Variants in SLC30A3 observed in about 807,000 individuals in gnomAD.
The protein encoded by SLC30A3 is solute carrier family 30 member 3, also known as probable proton-coupled zinc antiporter SLC30A3.
In SLC30A3, 20 loss-of-function variants were observed where a neutral mutation model predicts 35.6. The observed-to-expected ratio is 0.56, with a 90% CI of 0.39 to 0.82. The LOEUF is 0.82. SLC30A3 is among the 40% of genes least tolerant of loss of function. The pLI, the probability that SLC30A3 is intolerant of heterozygous loss-of-function variation, is 0.00. For synonymous variants in SLC30A3, 217 were observed against 224.7 expected (o/e 0.97, Z 0.31); for missense variants, 401 against 530.6 (o/e 0.76, Z 2.40).
At position 27,254,885 on chromosome 2, in the gene SLC30A3, G is replaced by A; in HGVS notation, c.*427C>T. ...ACAGAGCGAGGGCCATGTGGGGAGG[G>A]GGCCCCTACTGACCTCCCCCAGGCA... is the stretch of plus-strand genomic sequence containing the variant. On this transcript the variant is annotated 3_prime_UTR_variant, in exon 8 of 8. Coordinates refer to ENST00000233535, the MANE Select transcript of SLC30A3 (RefSeq NM_003459.5). 5.4e-6 allele frequency: 2 copies of A among 372,694 alleles called. No homozygotes were observed. The highest frequency in any genetic ancestry group is 9.6e-4 in the Middle Eastern group (1 of 1,038). 23.1% of individuals were successfully genotyped at this position (372,694 alleles called of 1,614,324 possible). A position where few individuals can be genotyped will look rare whatever the true frequency, so the allele number is the denominator to read the frequency against.
upstream of SLC30A3, among the ~76,000 whole-genome samples, chr2:27,264,891 C>T (rs1278624565): frequency 6.6e-6 from 1 of 152,176 alleles, no homozygotes; most frequent in Non-Finnish European, 1.5e-5. This position sits in a 1 kb window ranked among gnomAD's most constrained non-coding sequence, Gnocchi z 6.1. Flanking sequence ...GCTCTGGGTA[C>T]GTCGGGCCCG....
At position 27,262,843 on chromosome 2, in the gene SLC30A3, C is replaced by T. The variant is rs774011364; in HGVS notation, c.64G>A (p.Gly22Ser). 3.4e-5 allele frequency: 54 copies of T among 1,566,768 alleles called. No individual in the cohort carries two copies. Among genetic ancestry groups the T allele is most frequent in the Non-Finnish European group, 3.9e-5 (45 of 1,161,482 alleles). Reference sequence around the variant, plus strand: ...AAACGCAGGCTGCCTCCGGCGCCACCGCGGTCCCGGGGGCTCACCAGGCGA... The same window carrying T: ...AAACGCAGGCTGCCTCCGGCGCCACTGCGGTCCCGGGGGCTCACCAGGCGA... ...TTRLVSPRDR[G>S]GAGGSLRLKS... The change falls in exon 1 of 8, where the codon GGT becomes AGT. Residue 22 changes from glycine to serine, a missense_variant. By Grantham distance (56) the Gly-to-Ser change is moderately conservative. This residue lies in a region of SLC30A3 where 103 missense variants were observed against 120.7 expected (regional missense o/e 0.85). Coordinates refer to ENST00000233535, the MANE Select transcript of SLC30A3 (RefSeq NM_003459.5). This position sits in a 1 kb window ranked among gnomAD's most constrained non-coding sequence, Gnocchi z 7.5.
chr2:27,263,385 G>C (rs1558564306), upstream of SLC30A3: 1 of 456,862 alleles, frequency 2.2e-6, no homozygotes, highest in Non-Finnish European at 4.5e-6. Flanking sequence ...GCCTGCGCGG[G>C]GGTGTCGCCC....
chr2:27,264,754 G>A (rs918105816), upstream of SLC30A3, among the ~76,000 whole-genome samples: 2 of 152,230 alleles, frequency 1.3e-5, no homozygotes, highest in African/African-American at 4.8e-5. The surrounding 1 kb of genome is among the most constrained non-coding windows in gnomAD (Gnocchi z 6.1). Flanking sequence ...ACGGACCTCT[G>A]TTTCTCCTCG....
At chr2:27,263,653 C>T (rs1035888505), upstream of SLC30A3, among the ~76,000 whole-genome samples, 2 of 151,112 alleles carry the variant, frequency 1.3e-5, no homozygotes, top group African/African-American at 4.9e-5. Flanking sequence ...CTCCTTCAAC[C>T]CACTGTTATC....
chr2:27,257,891 A>G lies in SLC30A3; in HGVS notation c.578+14T>C, dbSNP rs1180636236. The G allele has an allele frequency of 1.1e-5, 18 of 1,611,404 alleles. No homozygotes were observed. Among genetic ancestry groups the G allele is most frequent in the Non-Finnish European group, 1.5e-5 (18 of 1,178,866 alleles). On this transcript the variant is annotated intron_variant, in intron 4 of 7. Coordinates refer to ENST00000233535, the MANE Select transcript of SLC30A3 (RefSeq NM_003459.5). The surrounding 1 kb of genome is among the most constrained non-coding windows in gnomAD (Gnocchi z 4.7). The stretch of plus-strand genomic sequence containing the variant: ...CTGGGCCCCACAAGGTGCCTGCTCC[A>G]TACTGGGACGTACAACAGGTTGGCA...
chr2:27,257,311 TG>T lies in SLC30A3; in HGVS notation c.619del (p.His207ThrfsTer258). ...TGCATACTCTGCTCCCCTAGACCCG[TG>T]GCTGTGGGGGGGCCCAGCCTGGTGC... Reference protein sequence around the residue: ...VLHQAGPPHSHGSRGAEYAPL... With the variant: ...VLHQAGPPHSXGSRGAEYAPL... On this transcript the variant is annotated frameshift_variant, in exon 5 of 8. Transcript: ENST00000233535. LOFTEE classifies it high-confidence loss of function. The surrounding 1 kb of genome is among the most constrained non-coding windows in gnomAD (Gnocchi z 4.7). 6.2e-7 allele frequency: 1 copy of T among 1,613,716 alleles called. No homozygotes were observed. Among genetic ancestry groups the T allele is most frequent in the Non-Finnish European group, 8.5e-7 (1 of 1,179,818 alleles).
chr2:27,273,245 A>G (rs1572495758), intron 1 of SLC30A3, among the ~76,000 whole-genome samples: 2 of 152,058 alleles, frequency 1.3e-5, no homozygotes, highest in East Asian at 3.9e-4. Flanking sequence ...CAGAGGGAAC[A>G]ACATGGTCAA....
chr2:27,259,698 G>C (rs1677076152), intron 1 of SLC30A3, among the ~76,000 whole-genome samples: 1 of 152,174 alleles, frequency 6.6e-6, no homozygotes, highest in Admixed American at 6.5e-5. Context: ...GAGGCTCACA[G>C]AGTTGGGGGA....
rs1029637433 is a variant in SLC30A3, at chr2:27,262,737, G to A, written c.95+75C>T. ...TGGGGCGGCCGCCGGGGCCCGCGCCGAGAGAGACAACGAAATGGACGGAGG... is the reference window on the plus strand; with the variant it reads ...TGGGGCGGCCGCCGGGGCCCGCGCCAAGAGAGACAACGAAATGGACGGAGG... On this transcript the variant is annotated intron_variant, in intron 1 of 7. Transcript: ENST00000233535. The surrounding 1 kb of genome is among the most constrained non-coding windows in gnomAD (Gnocchi z 7.5). 9 of 1,375,404 alleles carry A rather than the reference G, an allele frequency of 6.5e-6. No homozygotes were observed. Among genetic ancestry groups the A allele is most frequent in the Non-Finnish European group, 8.6e-6 (9 of 1,050,518 alleles). 85.2% of individuals were successfully genotyped at this position (1,375,404 alleles called of 1,614,324 possible). A position where few individuals can be genotyped will look rare whatever the true frequency, so the allele number is the denominator to read the frequency against.
At chr2:27,269,380 T>C (rs944452060) in intron 1 of SLC30A3, among the ~76,000 whole-genome samples, 3 of 152,036 alleles carry the variant, frequency 2.0e-5, no homozygotes, top group African/African-American at 7.2e-5. Context: ...TAATTTTTTT[T>C]GTATTTTTAG....
Position 27,254,093 on chromosome 2 carries a change from C to T in SLC30A3, c.*1219G>A, listed in dbSNP as rs1676714073. On this transcript the variant is annotated 3_prime_UTR_variant, in exon 8 of 8. Coordinates refer to ENST00000233535, the MANE Select transcript of SLC30A3 (RefSeq NM_003459.5). ...AGGTGTAAAAGAGGTCCTTGGTGTT[C>T]ACAGCCTAAACCTGGACTCAGGGTT... 6.6e-6 allele frequency: 1 copy of T among 152,228 alleles called. No homozygotes were observed. The highest frequency in any genetic ancestry group is 6.5e-5 in the Admixed American group (1 of 15,288). 9.4% of individuals were successfully genotyped at this position (152,228 alleles called of 1,614,324 possible).
Position 27,275,081 on chromosome 2 carries a change from G to C in SLC30A3, c.-159+96C>G, listed in dbSNP as rs887211698. The C allele has an allele frequency of 1.3e-5, 10 of 755,398 alleles. No individual in the cohort carries two copies. In the African/African-American group the frequency reaches 1.8e-4, roughly 14 times the overall value. The allele number at this position is 755,398 out of a possible 1,614,324, so 46.8% of individuals were successfully genotyped here. ...CTTCCAGGTTGTGGAGGTGTTTCCG[G>C]GTGGAAGAGAAGGAGGGACCAAGCG... On this transcript the variant is annotated intron_variant, in intron 1 of 5. Coordinates refer to the SLC30A3 transcript ENST00000424577.
At chr2:27,260,223 G>T (rs532355880) in intron 1 of SLC30A3, among the ~76,000 whole-genome samples, 71 of 152,278 alleles carry the variant, frequency 4.7e-4, no homozygotes, top group African/African-American at 1.6e-3. Context: ...GGGCCAAAAA[G>T]TCTGATTCCG....
intron 1 of SLC30A3, among the ~76,000 whole-genome samples, chr2:27,272,432 CA>C (rs1341592610): frequency 3.3e-5 from 5 of 151,758 alleles, no homozygotes; most frequent in African/African-American, 1.2e-4. Context: ...GCTGGGGATA[CA>C]ATGGTCAACA....
rs765723371 is a variant in SLC30A3, at chr2:27,258,494, C to T, written c.278-187G>A. 5.9e-6 allele frequency: 4 copies of T among 672,448 alleles called. No individual in the cohort carries two copies. The highest frequency in any genetic ancestry group is 9.6e-6 in the Non-Finnish European group (4 of 415,598). The allele number at this position is 672,448 out of a possible 1,614,324, so 41.7% of individuals were successfully genotyped here. A position where few individuals can be genotyped will look rare whatever the true frequency, so the allele number is the denominator to read the frequency against. On this transcript the variant is annotated intron_variant, in intron 2 of 7. Transcript: ENST00000233535. The surrounding 1 kb of genome is among the most constrained non-coding windows in gnomAD (Gnocchi z 4.0). ...TCATTCATCTGTATTTTATTTTCTA[C>T]AATGATTTATTTTAATAACAAGAAA...
At chr2:27,275,329 A>G (rs752805884) in exon 1 of SLC30A3, 54 of 725,658 alleles carry the variant, frequency 7.4e-5, no homozygotes, top group Non-Finnish European at 1.1e-4. Context: ...CTTGGGCCGC[A>G]GGCCTGCTAA....
At chr2:27,263,880 G>A, upstream of SLC30A3, 1 of 455,100 alleles carries the variant, frequency 2.2e-6, no homozygotes, top group Non-Finnish European at 4.2e-6. Flanking sequence ...TTATGGAGAG[G>A]GGCTGAGGGG....
At chr2:27,263,150 CA>C, upstream of SLC30A3, 1 of 1,309,290 alleles carries the variant, frequency 7.6e-7, no homozygotes, top group Non-Finnish European at 9.8e-7. Context: ...GGCCTCTCCC[CA>C]CCCTTAAGCC....
Sources: gnomAD v4.1 joint callset for allele counts (sites outside exome capture counted in the v4.1 genomes callset) on GRCh38, gnomAD v4.1.1 for gene constraint, gnomAD v4.1.1 regional missense constraint, Gnocchi (gnomAD v3.1) non-coding constraint, MANE v1.5 for transcripts, NCBI Gene and HGNC (gene_info 2026-07-23, HGNC 2026-07-21) for gene names.